Variants in SAPCD2 observed in about 807,000 individuals in gnomAD.
The protein encoded by SAPCD2 is suppressor APC domain-containing protein 2.
In SAPCD2, 34 loss-of-function variants were observed where a neutral mutation model predicts 37.8. The ratio of observed to expected loss-of-function variants is 0.90; its 90% confidence interval spans 0.68 to 1.20. SAPCD2 has a LOEUF of 1.20. Ranked by LOEUF, SAPCD2 falls within the 50% of genes most tolerant of loss-of-function variation. The pLI is 0.00. For synonymous variants in SAPCD2, 275 were observed against 270.3 expected, an observed-to-expected ratio of 1.02 and a Z score of -0.17; for missense variants, 572 against 584.7, an observed-to-expected ratio of 0.98 and a Z score of 0.22.
chr9:137,068,693 A>G (rs1832583475), intron 1 of SAPCD2, among the ~76,000 whole-genome samples: 1 of 152,164 alleles, frequency 6.6e-6, no homozygotes, highest in Non-Finnish European at 1.5e-5. Flanking sequence ...CTTCAGGGAG[A>G]TGTGGTACGT....
chr9:137,070,278 C>G lies in SAPCD2; in HGVS notation c.183G>C (p.Ala61=). 4 of 1,457,560 alleles carry G rather than the reference C, an allele frequency of 2.7e-6. No homozygotes were observed. The highest frequency in any genetic ancestry group is 2.7e-6 in the Non-Finnish European group (3 of 1,106,880). 90.3% of individuals were successfully genotyped at this position (1,457,560 alleles called of 1,614,324 possible). ...EIESRWQGTD[A]RELPRGVLEG... ...CCAGCACCCCGCGGGGCAGCTCCCG[C>G]GCGTCGGTGCCCTGCCAGCGGGACT... The change falls in exon 1 of 6, where the codon GCG becomes GCC. Residue 61 remains alanine, a synonymous_variant. Transcript: ENST00000409687.
In SAPCD2 at chr9:137,065,367, G is replaced by A. The variant is rs534704605; in HGVS notation, c.831+155C>T. 4.6e-5 allele frequency among the ~76,000 whole-genome samples: 7 copies of A among 152,284 alleles called. No homozygotes were observed. In the South Asian group the frequency reaches 1.4e-3, roughly 32 times the overall value. Reference sequence around the variant, plus strand: ...AAGACACCTTAGGCCCTAGGAGTGGGGCAGCCACAGGCGGAGAAAGGGATG... The same window carrying A: ...AAGACACCTTAGGCCCTAGGAGTGGAGCAGCCACAGGCGGAGAAAGGGATG... On this transcript the variant is annotated intron_variant, in intron 3 of 5. Coordinates refer to ENST00000409687, the MANE Select transcript of SAPCD2 (RefSeq NM_178448.4).
In SAPCD2 at chr9:137,070,329, G is replaced by A. The variant is rs540169850; in HGVS notation, c.132C>T (p.Arg44=). ...CGATCTCGCGCAGGTGCACGCAGCC[G>A]CGCCGCCGGTCGTCCAGGATGTCGA... is the stretch of plus-strand genomic sequence containing the variant. ...TLFDILDDRR[R]GCVHLREIES... The change falls in exon 1 of 6, where the codon CGC becomes CGT. Residue 44 remains arginine (R), a synonymous_variant. Transcript: ENST00000409687. 1.1e-4 allele frequency: 155 copies of A among 1,474,982 alleles called. 1 individual carries two copies. The African/African-American group carries it at 2.0e-3, about 19-fold the overall frequency. 91.4% of individuals were successfully genotyped at this position (1,474,982 alleles called of 1,614,324 possible). A position where few individuals can be genotyped will look rare whatever the true frequency, so the allele number is the denominator to read the frequency against.
At chr9:137,067,754 G>A (rs550485239) in intron 1 of SAPCD2, among the ~76,000 whole-genome samples, 94 of 124,786 alleles carry the variant, frequency 7.5e-4, no homozygotes, top group East Asian at 1.5e-3. Context: ...CAGCCTGGGC[G>A]ACAGAGCAAG....
Position 137,070,342 on chromosome 9 carries a change from T to G in SAPCD2, c.119A>C (p.Asp40Ala). ...QSLRTLFDIL[D>A]DRRRGCVHLR... ...GTGCACGCAGCCGCGCCGCCGGTCG[T>G]CCAGGATGTCGAACAGGGTGCGCAG... The change falls in exon 1 of 6, where the codon GAC (aspartate) becomes GCC (alanine). Residue 40 changes from aspartate to alanine, a missense_variant. Transcript: ENST00000409687. 6.8e-7 allele frequency: 1 copy of G among 1,472,062 alleles called. No homozygotes were observed. The highest frequency in any genetic ancestry group is 9.0e-7 in the Non-Finnish European group (1 of 1,113,852). 91.2% of individuals were successfully genotyped at this position (1,472,062 alleles called of 1,614,324 possible). A position where few individuals can be genotyped will look rare whatever the true frequency, so the allele number is the denominator to read the frequency against.
chr9:137,064,598 C>G lies in SAPCD2; in HGVS notation c.*61G>C. The G allele has an allele frequency of 6.5e-7, 1 of 1,545,618 alleles. No individual in the cohort carries two copies. The highest frequency in any genetic ancestry group is 8.7e-7 in the Non-Finnish European group (1 of 1,143,180). ...GCCAGAGAGGGTGGGTGCGATGGGG[C>G]GCCCACCCTCGAAGGGCTGAGTGCC... On this transcript the variant is annotated 3_prime_UTR_variant, in exon 6 of 6. Transcript: ENST00000409687.
At chr9:137,068,882 G>T (rs552258732) in intron 1 of SAPCD2, among the ~76,000 whole-genome samples, 9 of 152,250 alleles carry the variant, frequency 5.9e-5, no homozygotes, top group Non-Finnish European at 1.0e-4. Context: ...CCTCACCATA[G>T]AACTAGGGGT....
At chr9:137,069,028 A>G (rs1009785956) in intron 1 of SAPCD2, among the ~76,000 whole-genome samples, 3 of 152,254 alleles carry the variant, frequency 2.0e-5, no homozygotes, top group African/African-American at 7.2e-5. Context: ...AGCAGCAGGC[A>G]GCACAGGGAC....
intron 1 of SAPCD2, among the ~76,000 whole-genome samples, chr9:137,069,403 G>A (rs1832592829): frequency 6.6e-6 from 1 of 152,248 alleles, no homozygotes; most frequent in Non-Finnish European, 1.5e-5. Flanking sequence ...GCCCCCGCCT[G>A]CCTAGGCCTC....
At position 137,069,900 on chromosome 9, in the gene SAPCD2, G is replaced by A; in HGVS notation, c.561C>T (p.Ser187=). Residue 187 remains serine (S), a synonymous_variant, in exon 1 of 6, where the codon AGC becomes AGT. Coordinates refer to ENST00000409687, the MANE Select transcript of SAPCD2 (RefSeq NM_178448.4). ...SQSAALEPSS[S]ADAGAVACRA... is the part of the protein sequence containing the mutation. ...CCGTCCGGAACTCACCTGCGTCCGC[G>A]CTGGAGCTCGGTTCCAGCGCCGCGC... 1 of 1,275,990 alleles carries A rather than the reference G, an allele frequency of 7.8e-7. No homozygotes were observed. 79.0% of individuals were successfully genotyped at this position (1,275,990 alleles called of 1,614,324 possible). A position where few individuals can be genotyped will look rare whatever the true frequency, so the allele number is the denominator to read the frequency against.
intron 1 of SAPCD2, among the ~76,000 whole-genome samples, chr9:137,066,973 A>G (rs1347102858): frequency 3.3e-5 from 5 of 152,038 alleles, no homozygotes; most frequent in African/African-American, 1.2e-4. Context: ...CCTGGGCAAC[A>G]TGGCAAAACC....
chr9:137,067,800 A>AAAAAG (rs1454989855), intron 1 of SAPCD2, among the ~76,000 whole-genome samples: 1 of 149,864 alleles, frequency 6.7e-6, no homozygotes, highest in African/African-American at 2.5e-5. Flanking sequence ...AAAAAAAAAA[A>AAAAAG]AAGTCCCGCG....
intron 1 of SAPCD2, among the ~76,000 whole-genome samples, chr9:137,066,822 G>A (rs915853342): frequency 1.3e-5 from 2 of 152,140 alleles, no homozygotes; most frequent in African/African-American, 4.8e-5. Flanking sequence ...TGTGAATGAC[G>A]GAAACCTAAC....
chr9:137,066,496 C>T, intron 1 of SAPCD2, 122 bp from the exon 2 acceptor site: 1 of 661,876 alleles, frequency 1.5e-6, no homozygotes, highest in Non-Finnish European at 2.6e-6. Flanking sequence ...CTGGCATGGC[C>T]CACGTGTAGC....
rs1564260016 is a variant in SAPCD2, at chr9:137,064,674, ATCCAGAGGTCCCCCG to A, written c.1155_1169del (p.Gly386_Asp390del). 6.3e-7 allele frequency: 1 copy of A among 1,598,480 alleles called. No homozygotes were observed. Among genetic ancestry groups the A allele is most frequent in the Non-Finnish European group, 8.5e-7 (1 of 1,173,954 alleles). ...CCCACAAGGACTAGATGAAGGTGGA[ATCCAGAGGTCCCCCG>A]TCCTGCTGGCTCAGGGCGCGGGCCT... On this transcript the variant is annotated inframe_deletion, in exon 6 of 6. Coordinates refer to ENST00000409687, the MANE Select transcript of SAPCD2 (RefSeq NM_178448.4).
intron 1 of SAPCD2, among the ~76,000 whole-genome samples, chr9:137,069,513 CAGG>C (rs1325361420): frequency 6.6e-6 from 1 of 152,232 alleles, no homozygotes; most frequent in Non-Finnish European, 1.5e-5. Flanking sequence ...CAGCCACAGA[CAGG>C]AGGCTGAGGG....
Position 137,070,364 on chromosome 9 carries a change from G to A in SAPCD2, c.97C>T (p.Arg33Cys), listed in dbSNP as rs918869960. ...TCGTCCAGGATGTCGAACAGGGTGC[G>A]CAGGCTCTGCAGGAAGGCGCGCGGC... ...GLPRAFLQSLRTLFDILDDRR... is the reference protein window; with the variant it reads ...GLPRAFLQSLCTLFDILDDRR... The change falls in exon 1 of 6, where the codon CGC (arginine) becomes TGC (cysteine). Residue 33 changes from arginine (R) to cysteine (C), a missense_variant. Coordinates refer to ENST00000409687, the MANE Select transcript of SAPCD2 (RefSeq NM_178448.4). 2 of 1,434,472 alleles carry A rather than the reference G, an allele frequency of 1.4e-6. No homozygotes were observed. Among genetic ancestry groups the A allele is most frequent in the Non-Finnish European group, 9.2e-7 (1 of 1,091,824 alleles). The allele number at this position is 1,434,472 out of a possible 1,614,324, so 88.9% of individuals were successfully genotyped here. A position where few individuals can be genotyped will look rare whatever the true frequency, so the allele number is the denominator to read the frequency against.
intron 1 of SAPCD2, among the ~76,000 whole-genome samples, chr9:137,069,066 C>G (rs1419349988): frequency 6.6e-6 from 1 of 152,238 alleles, no homozygotes; most frequent in Non-Finnish European, 1.5e-5. Flanking sequence ...GGGCAGGCCT[C>G]CCCTGGCAGA....
rs1445757862 is a variant in SAPCD2, at chr9:137,064,751, C to T, written c.1093G>A (p.Glu365Lys). The change falls in exon 6 of 6, where the codon GAG (glutamate) becomes AAG (lysine). Residue 365 changes from glutamate (E) to lysine (K), a missense_variant. Coordinates refer to ENST00000409687, the MANE Select transcript of SAPCD2 (RefSeq NM_178448.4). ...TTAATGAGCGCCGACTTCTCCTGCT[C>T]CAGCTGCGTGATGCGCTCACTCTTC... ...TEKSERITQL[E>K]QEKSALIKQL... 5 of 1,593,890 alleles carry T rather than the reference C, an allele frequency of 3.1e-6. No individual in the cohort carries two copies. The highest frequency in any genetic ancestry group is 4.3e-6 in the Non-Finnish European group (5 of 1,171,124).
Sources: gnomAD v4.1 joint callset for allele counts (sites outside exome capture counted in the v4.1 genomes callset) on GRCh38, gnomAD v4.1.1 for gene constraint, MANE v1.5 for transcripts, NCBI Gene and HGNC (gene_info 2026-07-23, HGNC 2026-07-21) for gene names.